Variants in AFF2 observed in about 807,000 individuals in gnomAD.
AFF2 encodes the protein AF4/FMR2 family member 2.
Under a neutral mutation model 76.9 loss-of-function variants are expected in AFF2, and 14 were observed. The ratio of observed to expected loss-of-function variants is 0.18; its 90% CI spans 0.12 to 0.28. The LOEUF (loss-of-function observed/expected upper bound fraction) is 0.28. AFF2 is among the 10% of genes least tolerant of loss of function. AFF2 has a pLI of 1.00. For synonymous variants in AFF2, 398 were observed against 366.7 expected, an observed-to-expected ratio of 1.09 and a Z score of -0.98; for missense variants, 868 against 1,001.1, an observed-to-expected ratio of 0.87 and a Z score of 1.79.
intron 7 of AFF2, among the ~76,000 whole-genome samples, chrX:148,853,253 A>G (rs1377862769): frequency 9.0e-6 from 1 of 111,211 alleles, no homozygotes; most frequent in Non-Finnish European, 1.9e-5. Flanking sequence ...ATATTGTTAT[A>G]TTGTTAAATC....
At chrX:148,935,573 C>A (rs959630771) in intron 9 of AFF2, among the ~76,000 whole-genome samples, 1 of 111,488 alleles carries the variant, frequency 9.0e-6, no homozygotes, top group Non-Finnish European at 1.9e-5. Flanking sequence ...CATACCAGAC[C>A]TTCCTGAAGC....
chrX:148,564,907 C>A (rs1357955253), intron 1 of AFF2, among the ~76,000 whole-genome samples: 1 of 112,354 alleles, frequency 8.9e-6, no homozygotes, highest in East Asian at 2.8e-4. Flanking sequence ...AGTGGAATTG[C>A]TTTAATGTCA....
intron 8 of AFF2, among the ~76,000 whole-genome samples, chrX:148,899,478 T>C (rs2071331318): frequency 9.0e-6 from 1 of 111,543 alleles, no homozygotes; most frequent in East Asian, 2.8e-4. Flanking sequence ...AGAACAATCA[T>C]GTGAAAAAAA....
At chrX:148,634,827 T>A (rs1343427467) in intron 1 of AFF2, among the ~76,000 whole-genome samples, 5 of 111,851 alleles carry the variant, frequency 4.5e-5, no homozygotes. Flanking sequence ...GCAGAGCAGG[T>A]GTGGATGACA....
intron 1 of AFF2, among the ~76,000 whole-genome samples, chrX:148,592,502 A>AAAG (rs2053532758): frequency 9.2e-6 from 1 of 108,508 alleles, no homozygotes; most frequent in Non-Finnish European, 1.9e-5. Flanking sequence ...AAAAAAAAAA[A>AAAG]AGTATATTTT....
intron 9 of AFF2, among the ~76,000 whole-genome samples, chrX:148,911,234 A>G (rs1956098143): frequency 9.0e-6 from 1 of 110,933 alleles, no homozygotes; most frequent in African/African-American, 3.3e-5. Flanking sequence ...AAGACACATC[A>G]TTAGAGTTTA....
At chrX:148,822,053 T>C (rs1035493871) in intron 4 of AFF2, 1 of 112,413 alleles carries the variant, frequency 8.9e-6, no homozygotes, top group East Asian at 2.8e-4. Flanking sequence ...ATAGTGCTTA[T>C]TGAGTAGAAT....
intron 1 of AFF2, among the ~76,000 whole-genome samples, chrX:148,534,492 T>C (rs1299858802): frequency 4.4e-5 from 5 of 112,956 alleles, no homozygotes; most frequent in Non-Finnish European, 9.4e-5. Flanking sequence ...CTGCATAGTC[T>C]GCATTTGAAT....
chrX:148,876,059 T>C (rs1270368275), intron 7 of AFF2, among the ~76,000 whole-genome samples: 1 of 112,133 alleles, frequency 8.9e-6, no homozygotes, highest in Admixed American at 9.5e-5. Flanking sequence ...CTTCTTTCGA[T>C]TTTTACTTTA....
At chrX:148,776,490 T>C (rs2069668196) in intron 3 of AFF2, among the ~76,000 whole-genome samples, 2 of 112,321 alleles carry the variant, frequency 1.8e-5, no homozygotes, top group South Asian at 7.4e-4. Flanking sequence ...TGTAAAAGCA[T>C]TCCTATTTCT....
intron 1 of AFF2, among the ~76,000 whole-genome samples, chrX:148,516,751 A>G (rs782243288): frequency 4.5e-5 from 5 of 111,805 alleles, no homozygotes; most frequent in Non-Finnish European, 7.5e-5. Context: ...TGGCACTGTA[A>G]CACTGAACTG....
chrX:148,815,893 TA>T (rs1424318208), intron 4 of AFF2, among the ~76,000 whole-genome samples: 3 of 111,780 alleles, frequency 2.7e-5, no homozygotes, highest in African/African-American at 9.7e-5. Flanking sequence ...AGGTATGCTA[TA>T]AAAATAAGTC....
intron 3 of AFF2, among the ~76,000 whole-genome samples, chrX:148,773,718 GAA>G (rs1482441260): frequency 3.9e-5 from 4 of 101,578 alleles, no homozygotes; most frequent in African/African-American, 1.6e-4. Context: ...AAGAAAGAAA[GAA>G]AGAAAGAAAG....
chrX:148,784,627 T>G (rs1028536407), intron 3 of AFF2, among the ~76,000 whole-genome samples: 21 of 111,631 alleles, frequency 1.9e-4, no homozygotes, highest in Non-Finnish European at 3.8e-4. Flanking sequence ...ATAATAAAAT[T>G]AATTTGACCA....
chrX:148,959,571 G>C (rs1258557062), intron 12 of AFF2, among the ~76,000 whole-genome samples: 1 of 112,475 alleles, frequency 8.9e-6, no homozygotes. Context: ...ATTACCACTA[G>C]ATCTGGTTTA....
At chrX:148,906,595 G>A (rs781938692) in intron 9 of AFF2, among the ~76,000 whole-genome samples, 1 of 112,210 alleles carries the variant, frequency 8.9e-6, no homozygotes, top group African/African-American at 3.2e-5. Context: ...TCGCCTGAGA[G>A]CACAGGGGGA....
intron 3 of AFF2, among the ~76,000 whole-genome samples, chrX:148,706,895 G>T (rs1167774626): frequency 4.5e-5 from 5 of 112,353 alleles, no homozygotes; most frequent in Non-Finnish European, 9.4e-5. Context: ...CTTTCATCCT[G>T]TCTGGTGTTA....
intron 13 of AFF2, 69 bp downstream of exon 13, chrX:148,963,006 C>A: frequency 1.3e-6 from 1 of 772,734 alleles, no homozygotes; most frequent in South Asian, 2.3e-5. Flanking sequence ...CTAACTTGAT[C>A]ATTTGGGGAT....
intron 1 of AFF2, among the ~76,000 whole-genome samples, chrX:148,650,335 C>T (rs188022670): frequency 9.0e-6 from 1 of 111,375 alleles, no homozygotes; most frequent in East Asian, 2.8e-4. Context: ...AATCTAATAC[C>T]TATGGAGGGC....
Sources: allele counts gnomAD v4.1 joint callset (sites outside exome capture counted in the v4.1 genomes callset), GRCh38; gene constraint gnomAD v4.1.1; transcripts MANE v1.5; gene names NCBI Gene and HGNC (gene_info 2026-07-23, HGNC 2026-07-21).